Variants in CEP126 observed in about 807,000 individuals in gnomAD.
CEP126 encodes the protein centrosomal protein of 126 kDa.
CEP126 carries 74 observed loss-of-function variants against 107.8 expected under a neutral mutation model. The ratio of observed to expected loss-of-function variants is 0.69; its 90% CI spans 0.57 to 0.83. The LOEUF is 0.83. CEP126 is among the 40% of genes least tolerant of loss of function. The pLI, the probability that CEP126 is intolerant of heterozygous loss-of-function variation, is 0.00. For missense variants in CEP126, 1,237 were observed against 1,281.9 expected (o/e 0.96, Z 0.53); for synonymous variants, 449 against 446.0 (o/e 1.01, Z -0.08).
intron 2 of CEP126, among the ~76,000 whole-genome samples, chr11:101,930,812 A>G (rs1940488183): frequency 6.6e-6 from 1 of 152,048 alleles, no homozygotes; most frequent in Admixed American, 6.6e-5. Context: ...TCTCATTGTT[A>G]TTTTTATTGT....
In CEP126 at chr11:101,962,890, A is replaced by G. The variant is rs2137112752; in HGVS notation, c.1855A>G (p.Lys619Glu). The G allele has an allele frequency of 1.2e-6, 2 of 1,609,858 alleles. No individual in the cohort carries two copies. Among genetic ancestry groups the G allele is most frequent in the African/African-American group, 1.3e-5 (1 of 74,704 alleles). Residue 619 changes from lysine (K) to glutamate (E), a missense_variant, in exon 6 of 11, where the codon AAA (lysine) becomes GAA (glutamate). Coordinates refer to ENST00000263468, the MANE Select transcript of CEP126 (RefSeq NM_020802.4). ...IRDSIELTKE[K>E]GAEIPKTIKK... ...AGATAGTATTGAATTAACAAAGGAAAAAGGTGCAGAAATTCCAAAGACCAT... is the reference window on the plus strand; with the variant it reads ...AGATAGTATTGAATTAACAAAGGAAGAAGGTGCAGAAATTCCAAAGACCAT...
intron 9 of CEP126, among the ~76,000 whole-genome samples, chr11:101,989,216 A>G (rs1168789955): frequency 6.6e-6 from 1 of 152,202 alleles, no homozygotes; most frequent in South Asian, 2.1e-4. Context: ...GAAGAAAAAA[A>G]ATAATAGGAA....
intron 1 of CEP126, among the ~76,000 whole-genome samples, chr11:101,917,028 A>AT (rs140184758): frequency 1.6e-3 from 221 of 136,048 alleles, no homozygotes; most frequent in African/African-American, 5.8e-3. Context: ...AAATCCAACA[A>AT]TGTGTGTGTG....
At chr11:101,993,492 G>C (rs1437414418) in intron 10 of CEP126, among the ~76,000 whole-genome samples, 1 of 152,154 alleles carries the variant, frequency 6.6e-6, no homozygotes, top group African/African-American at 2.4e-5. Context: ...CCGTGTCTTT[G>C]TGAATAGTGC....
At chr11:101,947,874 G>T (rs1406559158) in intron 3 of CEP126, among the ~76,000 whole-genome samples, 157 bp from the exon 4 acceptor site, 1 of 152,118 alleles carries the variant, frequency 6.6e-6, no homozygotes, top group Non-Finnish European at 1.5e-5. Flanking sequence ...TTTGGGAATT[G>T]AATGTCAAAA....
chr11:101,917,934 C>T (rs1940253581), intron 1 of CEP126, among the ~76,000 whole-genome samples: 1 of 152,160 alleles, frequency 6.6e-6, no homozygotes, highest in Non-Finnish European at 1.5e-5. Context: ...TCCAGCTTCA[C>T]CTAAACAGGA....
intron 2 of CEP126, among the ~76,000 whole-genome samples, chr11:101,942,068 C>G (rs1315851954): frequency 6.6e-6 from 1 of 152,008 alleles, no homozygotes; most frequent in Non-Finnish European, 1.5e-5. Context: ...AATATTTTCT[C>G]TCATTTCCTG....
rs1345523007 is a variant in CEP126 at position 101,962,206 on chromosome 11, A to T, written c.1171A>T (p.Thr391Ser). ...KKCEKTSETS[T>S]MRTTDSTSGA... is the part of the protein sequence containing the mutation. Reference sequence around the variant, plus strand: ...ATGTGAAAAGACCTCTGAAACTAGCACTATGAGGACAACTGACTCCACTTC... The same window carrying T: ...ATGTGAAAAGACCTCTGAAACTAGCTCTATGAGGACAACTGACTCCACTTC... Residue 391 changes from threonine to serine, a missense_variant, in exon 6 of 11, where the codon ACT becomes TCT. Physicochemically the swap from Thr to Ser is moderately conservative, Grantham distance 58. Transcript: ENST00000263468. 6.2e-7 allele frequency: 1 copy of T among 1,613,950 alleles called. No individual in the cohort carries two copies. Among genetic ancestry groups the T allele is most frequent in the South Asian group, 1.1e-5 (1 of 91,066 alleles).
At chr11:101,966,149 T>G (rs1941054887) in intron 6 of CEP126, among the ~76,000 whole-genome samples, 1 of 152,198 alleles carries the variant, frequency 6.6e-6, no homozygotes, top group South Asian at 2.1e-4. Context: ...TTAACATTCT[T>G]AAATGTTCTT....
chr11:101,922,879 G>T, intron 2 of CEP126, 119 bp downstream of exon 2: 2 of 774,850 alleles, frequency 2.6e-6, no homozygotes, highest in Non-Finnish European at 4.0e-6. Flanking sequence ...GTGAAACATT[G>T]ATCAAGATTT....
At chr11:101,997,032 A>G (rs554637648) in intron 10 of CEP126, among the ~76,000 whole-genome samples, 36 of 152,242 alleles carry the variant, frequency 2.4e-4, no homozygotes, top group Admixed American at 1.8e-3. Flanking sequence ...TGAACCCTGA[A>G]TTTTTATTTA....
chr11:101,977,774 G>T (rs1294301733), intron 6 of CEP126, among the ~76,000 whole-genome samples: 9 of 152,062 alleles, frequency 5.9e-5, no homozygotes. Context: ...GTGAGAGCTT[G>T]TTAAGATACT....
At chr11:101,936,670 C>T (rs971625512) in intron 2 of CEP126, among the ~76,000 whole-genome samples, 9 of 152,114 alleles carry the variant, frequency 5.9e-5, no homozygotes, top group Non-Finnish European at 1.2e-4. Context: ...ACTATTTCAC[C>T]ATTAACTATG....
At chr11:101,936,058 G>A (rs1940574038) in intron 2 of CEP126, among the ~76,000 whole-genome samples, 1 of 152,062 alleles carries the variant, frequency 6.6e-6, no homozygotes, top group Non-Finnish European at 1.5e-5. Context: ...AAATAAATCT[G>A]CCTGGTTTTG....
intron 2 of CEP126, among the ~76,000 whole-genome samples, chr11:101,929,773 A>G (rs767453508): frequency 6.6e-6 from 1 of 152,088 alleles, no homozygotes; most frequent in Non-Finnish European, 1.5e-5. Flanking sequence ...TCCCTACAGG[A>G]GGGTTGAGGG....
At chr11:101,966,421 C>T (rs368574632) in intron 6 of CEP126, among the ~76,000 whole-genome samples, 3 of 152,174 alleles carry the variant, frequency 2.0e-5, no homozygotes, top group East Asian at 1.9e-4. Context: ...CCAGAGTTGA[C>T]GATTGTGGAG....
At chr11:101,921,015 A>G (rs1419913773) in intron 1 of CEP126, among the ~76,000 whole-genome samples, 1 of 152,210 alleles carries the variant, frequency 6.6e-6, no homozygotes, top group Non-Finnish European at 1.5e-5. Context: ...TTAAAACGCA[A>G]CTAAATAAAT....
At chr11:101,992,253 T>C (rs572789060) in intron 9 of CEP126, among the ~76,000 whole-genome samples, 1 of 152,226 alleles carries the variant, frequency 6.6e-6, no homozygotes, top group South Asian at 2.1e-4. Context: ...AAGTCAATAA[T>C]TGAAGAATTT....
intron 2 of CEP126, among the ~76,000 whole-genome samples, chr11:101,926,042 C>T (rs895404738): frequency 2.0e-5 from 3 of 151,982 alleles, no homozygotes; most frequent in Admixed American, 2.0e-4. Context: ...CATTTATTCA[C>T]TCAACTAATA....
Sources: allele counts gnomAD v4.1 joint callset (sites outside exome capture counted in the v4.1 genomes callset), GRCh38; gene constraint gnomAD v4.1.1; transcripts MANE v1.5; gene names NCBI Gene and HGNC (gene_info 2026-07-23, HGNC 2026-07-21).